The following COL4A3 variants were observed in gnomAD, a reference collection of about 807,000 sequenced individuals.
COL4A3 encodes collagen type IV alpha 3 chain.
COL4A3 carries 135 observed loss-of-function variants against 217.4 expected under a neutral mutation model. That is an observed-to-expected ratio of 0.62 (90% CI 0.54 to 0.72). COL4A3 has a LOEUF of 0.72. COL4A3 is among the 30% of genes least tolerant of loss of function. COL4A3 has a pLI of 0.00. For synonymous variants in COL4A3, 690 were observed against 736.3 expected (o/e 0.94, Z 1.02); for missense variants, 1,868 against 2,119.9 (o/e 0.88, Z 2.33).
At position 227,282,566 on chromosome 2, in the gene COL4A3, TTTC is replaced by T. The variant is rs376846899; in HGVS notation, c.2656+46_2656+48del. 5.7e-4 allele frequency: 905 copies of T among 1,598,382 alleles called. 1 individual carries two copies. In the African/African-American group the frequency reaches 9.4e-3, roughly 17 times the overall value. On this transcript the variant is annotated intron_variant, in intron 32 of 51. Transcript: ENST00000396578. This position sits in a 1 kb window ranked among gnomAD's most constrained non-coding sequence, Gnocchi z 4.4. ...TTGTGTGTTTCTATTTTTCTTCTTA[TTTC>T]TTCTTCTTCTTAAGGTGGCTCTGTC...
At chr2:227,302,320 C>T (rs983243276) in intron 43 of COL4A3, among the ~76,000 whole-genome samples, 2 of 152,152 alleles carry the variant, frequency 1.3e-5, no homozygotes, top group African/African-American at 4.8e-5. Context: ...GAGAATGAAG[C>T]TTAGGTGCTG....
chr2:227,202,756 TATATATATATATATATCAC>T (rs2066754613), intron 1 of COL4A3, among the ~76,000 whole-genome samples: 1 of 127,032 alleles, frequency 7.9e-6, no homozygotes, highest in Non-Finnish European at 1.6e-5. Context: ...AATATATATA[TATATATATATATATATCAC>T]ATATATATAC....
chr2:227,304,286 G>A (rs1317941925), intron 46 of COL4A3, 142 bp downstream of exon 46: 8 of 1,103,682 alleles, frequency 7.2e-6, no homozygotes, highest in Non-Finnish European at 1.1e-5. Context: ...TTAGGATTGA[G>A]CTCATTTTAC....
chr2:227,204,732 C>T (rs1176224925), intron 1 of COL4A3, among the ~76,000 whole-genome samples: 2 of 152,194 alleles, frequency 1.3e-5, no homozygotes, highest in Admixed American at 1.3e-4. Context: ...GCTCTTAAGC[C>T]GTTCATGCGT....
chr2:227,206,788 C>G (rs1574569376), intron 1 of COL4A3, among the ~76,000 whole-genome samples: 1 of 152,194 alleles, frequency 6.6e-6, no homozygotes. Flanking sequence ...CTGACACACA[C>G]TCGTATGCAG....
intron 1 of COL4A3, among the ~76,000 whole-genome samples, chr2:227,206,661 C>T (rs1433508879): frequency 8.9e-6 from 1 of 111,744 alleles, no homozygotes. Context: ...TCAAGCCCTG[C>T]CCCAGACCTA....
chr2:227,195,518 C>T (rs2066430919), intron 1 of COL4A3, among the ~76,000 whole-genome samples: 1 of 152,106 alleles, frequency 6.6e-6, no homozygotes, highest in Non-Finnish European at 1.5e-5. Flanking sequence ...GTAAACAAAG[C>T]TACTGCACTG....
At position 227,266,424 on chromosome 2, in the gene COL4A3, C is replaced by A. The variant is rs73080086; in HGVS notation, c.1323C>A (p.Ile441=). Residue 441 remains isoleucine (I), a synonymous_variant, in exon 22 of 52, where the codon ATC becomes ATA. Transcript: ENST00000396578. ...SPGPPGPPGD[I]VFRKGPPGDH... ...GGTGCTGTATTTTTATAGGTGACAT[C>A]GTTTTTCGCAAGGGTCCACCTGGAG... 14 of 1,613,740 alleles carry A rather than the reference C, an allele frequency of 8.7e-6. No homozygotes were observed. The highest frequency in any genetic ancestry group is 3.3e-4 in the Middle Eastern group (2 of 6,060).
chr2:227,273,358 C>CAT (rs1043022529), intron 26 of COL4A3, among the ~76,000 whole-genome samples: 20 of 151,772 alleles, frequency 1.3e-4, no homozygotes, highest in South Asian at 2.1e-4. Context: ...TACATACATA[C>CAT]ATATATATAT....
At chr2:227,245,865 A>C in intron 5 of COL4A3, 89 bp from the exon 6 acceptor site, 1 of 909,474 alleles carries the variant, frequency 1.1e-6, no homozygotes, top group Non-Finnish European at 1.9e-6. Flanking sequence ...TTATATTTCA[A>C]GAGCTATTTA....
At chr2:227,238,612 GT>G (rs1462152197) in intron 2 of COL4A3, among the ~76,000 whole-genome samples, 1 of 152,098 alleles carries the variant, frequency 6.6e-6, no homozygotes, top group Non-Finnish European at 1.5e-5. Flanking sequence ...CAGAACTAAA[GT>G]TTTTTTCTTT....
intron 1 of COL4A3, among the ~76,000 whole-genome samples, chr2:227,174,402 T>C (rs989960996): frequency 6.6e-6 from 1 of 152,224 alleles, no homozygotes; most frequent in South Asian, 2.1e-4. Flanking sequence ...GTCTCTCTTT[T>C]TCTTGTCTGA....
rs542701561 is a variant in COL4A3 at position 227,183,112 on chromosome 2, T to C, written c.87+18299T>C. 1.8e-4 allele frequency among the ~76,000 whole-genome samples: 28 copies of C among 152,354 alleles called. No individual in the cohort carries two copies. The South Asian group carries it at 3.9e-3, about 21-fold the overall frequency. ...TAGAGTGGGCTGATCTATGTTGTTATAAGCTCTTTTTGGCCTCTAATTTTC... is the reference window on the plus strand; with the variant it reads ...TAGAGTGGGCTGATCTATGTTGTTACAAGCTCTTTTTGGCCTCTAATTTTC... On this transcript the variant is annotated intron_variant, in intron 1 of 51. Coordinates refer to ENST00000396578, the MANE Select transcript of COL4A3 (RefSeq NM_000091.5).
chr2:227,270,310 A>G (rs1249060899), intron 24 of COL4A3, among the ~76,000 whole-genome samples: 1 of 152,210 alleles, frequency 6.6e-6, no homozygotes, highest in African/African-American at 2.4e-5. Flanking sequence ...GCATAATTCT[A>G]TAAATTTACT....
chr2:227,311,716 A>G, intron 51 of COL4A3, 70 bp from the exon 52 acceptor site: 2 of 1,492,550 alleles, frequency 1.3e-6, no homozygotes, highest in Admixed American at 3.5e-5. Context: ...ATTCATTAAT[A>G]AAACAAACTC....
At chr2:227,308,748 CTT>C in intron 48 of COL4A3, 149 bp from the exon 49 acceptor site, 1 of 803,294 alleles carries the variant, frequency 1.2e-6, no homozygotes, top group South Asian at 1.5e-5. Context: ...AGTATGAAAA[CTT>C]TTCAATACTA....
intron 1 of COL4A3, among the ~76,000 whole-genome samples, chr2:227,195,361 AATG>A: frequency 6.6e-6 from 1 of 152,324 alleles, no homozygotes; most frequent in East Asian, 1.9e-4. Flanking sequence ...ATTGAATAAC[AATG>A]ATGTTTCAAA....
chr2:227,182,406 C>G (rs2065890789), intron 1 of COL4A3, among the ~76,000 whole-genome samples: 1 of 152,188 alleles, frequency 6.6e-6, no homozygotes, highest in Non-Finnish European at 1.5e-5. Context: ...AATTTTGAGT[C>G]AGTGCATCAA....
At chr2:227,262,545 T>G (rs1207607365) in intron 20 of COL4A3, among the ~76,000 whole-genome samples, 1 of 152,222 alleles carries the variant, frequency 6.6e-6, no homozygotes, top group Non-Finnish European at 1.5e-5. Context: ...CATTTGTTTG[T>G]GTGCTCTTCA....
Sources: allele counts gnomAD v4.1 joint callset (sites outside exome capture counted in the v4.1 genomes callset), GRCh38; gene constraint gnomAD v4.1.1; non-coding constraint Gnocchi (gnomAD v3.1); transcripts MANE v1.5; gene names NCBI Gene and HGNC (gene_info 2026-07-23, HGNC 2026-07-21).